Variants in C9orf57 observed in about 807,000 individuals in gnomAD.
C9orf57 encodes uncharacterized protein C9orf57.
A neutral mutation model predicts 12.9 loss-of-function variants in C9orf57; 12 were observed. That is an observed-to-expected ratio of 0.93 (90% CI 0.60 to 1.51). The LOEUF (loss-of-function observed/expected upper bound fraction) is 1.51. C9orf57 is among the 40% of genes most tolerant of loss of function. The pLI is 0.00. For missense variants in C9orf57, 141 were observed against 162.8 expected, an observed-to-expected ratio of 0.87 and a Z score of 0.73; for synonymous variants, 49 against 57.1, an observed-to-expected ratio of 0.86 and a Z score of 0.64.
intron 2 of C9orf57, among the ~76,000 whole-genome samples, chr9:72,058,827 G>A (rs948048449): frequency 6.6e-6 from 1 of 152,072 alleles, no homozygotes; most frequent in Non-Finnish European, 1.5e-5. Flanking sequence ...ATTTCACATT[G>A]GTTCTGCCAC....
At chr9:72,054,102 G>A (rs1385115264) in intron 4 of C9orf57, among the ~76,000 whole-genome samples, 3 of 152,158 alleles carry the variant, frequency 2.0e-5, no homozygotes, top group African/African-American at 4.8e-5. Context: ...GGGTTCAAGC[G>A]ATTCTCCTGC....
chr9:72,060,362 A>G (rs1227532558), intron 1 of C9orf57, 135 bp downstream of exon 1: 15 of 619,590 alleles, frequency 2.4e-5, no homozygotes, highest in Admixed American at 8.0e-5. Flanking sequence ...TATTAATAAT[A>G]CTTTCACTGC....
In C9orf57 at chr9:72,056,279, A is replaced by G. The variant is rs906232861; in HGVS notation, c.158-83T>C. 8.1e-6 allele frequency: 9 copies of G among 1,109,874 alleles called. No individual in the cohort carries two copies. In the African/African-American group the frequency reaches 1.3e-4, roughly 16 times the overall value. The allele number at this position is 1,109,874 out of a possible 1,614,324, so 68.8% of individuals were successfully genotyped here. ...AGGAAGGAAGAGAGATCAAAAAAAT[A>G]AAGTAGTGATTTTTGACTTTATATA... On this transcript the variant is annotated intron_variant, in intron 3 of 4. Coordinates refer to ENST00000651200, the MANE Select transcript of C9orf57 (RefSeq NM_001128618.2).
At chr9:72,054,839 A>G (rs1824155892) in intron 4 of C9orf57, among the ~76,000 whole-genome samples, 3 of 151,110 alleles carry the variant, frequency 2.0e-5, no homozygotes, top group Non-Finnish European at 4.4e-5. Flanking sequence ...TGGAATTATC[A>G]CACATTTTAT....
chr9:72,051,437 C>T lies in C9orf57; in HGVS notation c.*859G>A, dbSNP rs142683344. 7.2e-5 allele frequency: 11 copies of T among 152,188 alleles called. 1 individual carries two copies. The highest frequency in any genetic ancestry group is 2.2e-4 in the African/African-American group (9 of 41,518). The allele number at this position is 152,188 out of a possible 1,614,324, so 9.4% of individuals were successfully genotyped here. A position where few individuals can be genotyped will look rare whatever the true frequency, so the allele number is the denominator to read the frequency against. ...AAACTCCTGAAAATACAGAGAAAGA[C>T]AGTTTTAAATTAAATTTTAAATTAA... On this transcript the variant is annotated 3_prime_UTR_variant, in exon 5 of 5. Coordinates refer to ENST00000651200, the MANE Select transcript of C9orf57 (RefSeq NM_001128618.2).
intron 2 of C9orf57, among the ~76,000 whole-genome samples, chr9:72,058,044 A>G (rs1229146829): frequency 1.3e-5 from 2 of 152,242 alleles, no homozygotes; most frequent in African/African-American, 2.4e-5. Context: ...GTTAGAATCT[A>G]TGGAAGGTGG....
Position 72,059,352 on chromosome 9 carries a change from G to A in C9orf57, c.-21C>T. Reference sequence around the variant, plus strand: ...CTCATTCTGATTTCCAAGCCGAAAAGGAGATGAAAGGAAAGACACGTCCCA... The same window carrying A: ...CTCATTCTGATTTCCAAGCCGAAAAAGAGATGAAAGGAAAGACACGTCCCA... On this transcript the variant is annotated 5_prime_UTR_variant, in exon 2 of 5. Coordinates refer to ENST00000651200, the MANE Select transcript of C9orf57 (RefSeq NM_001128618.2). The A allele has an allele frequency of 1.3e-6, 2 of 1,551,590 alleles. No homozygotes were observed. Among genetic ancestry groups the A allele is most frequent in the Non-Finnish European group, 1.7e-6 (2 of 1,147,044 alleles).
At position 72,059,270 on chromosome 9, in the gene C9orf57, C is replaced by T. The variant is rs376186692; in HGVS notation, c.62G>A (p.Arg21His). ...LFRLLGVILF[R>H]LLGVILFGRL... ...GCCGAATAAGATAACACCTAAGAGG[C>T]GGAATAAGATAACACCTAAGAGGCG... Residue 21 changes from arginine to histidine, a missense_variant, in exon 2 of 5, where the codon CGC becomes CAC. Arg to His is a conservative substitution (Grantham distance 29). Coordinates refer to ENST00000651200, the MANE Select transcript of C9orf57 (RefSeq NM_001128618.2). The T allele has an allele frequency of 2.1e-5, 32 of 1,550,890 alleles. No homozygotes were observed. The Middle Eastern group carries it at 5.0e-4, about 24-fold the overall frequency.
At chr9:72,056,729 T>A (rs1824210883) in intron 3 of C9orf57, 55 bp downstream of exon 3, 1 of 1,518,428 alleles carries the variant, frequency 6.6e-7, no homozygotes, top group Non-Finnish European at 8.9e-7. Context: ...TTTGTTGTGA[T>A]AAGCATTTTC....
At chr9:72,054,032 C>T (rs557700269) in intron 4 of C9orf57, among the ~76,000 whole-genome samples, 1 of 152,322 alleles carries the variant, frequency 6.6e-6, no homozygotes, top group African/African-American at 2.4e-5. Flanking sequence ...GTGTTTCGCT[C>T]TTGTTGCCCA....
In C9orf57 at chr9:72,051,922, A is replaced by G. The variant is rs1824087953; in HGVS notation, c.*374T>C. Reference sequence around the variant, plus strand: ...CAGGTCACTTGCTGTCTTGTGAAACATTTGTAACCATATTTTGGAGTATGG... The same window carrying G: ...CAGGTCACTTGCTGTCTTGTGAAACGTTTGTAACCATATTTTGGAGTATGG... On this transcript the variant is annotated 3_prime_UTR_variant, in exon 5 of 5. Coordinates refer to ENST00000651200, the MANE Select transcript of C9orf57 (RefSeq NM_001128618.2). 1 of 194,144 alleles carries G rather than the reference A, an allele frequency of 5.2e-6. No individual in the cohort carries two copies. The highest frequency in any genetic ancestry group is 1.1e-4 in the South Asian group (1 of 9,074). The allele number at this position is 194,144 out of a possible 1,614,324, so 12.0% of individuals were successfully genotyped here.
chr9:72,056,276 A>C, intron 3 of C9orf57, 80 bp from the exon 4 acceptor site: 1 of 1,146,742 alleles, frequency 8.7e-7, no homozygotes, highest in East Asian at 2.8e-5. Flanking sequence ...AGATCAAAAA[A>C]ATAAAGTAGT....
chr9:72,058,129 T>A (rs1475000627), intron 2 of C9orf57, among the ~76,000 whole-genome samples: 1 of 152,198 alleles, frequency 6.6e-6, no homozygotes, highest in Non-Finnish European at 1.5e-5. Flanking sequence ...TCTAGACCAA[T>A]GTTTGTGAAT....
intron 4 of C9orf57, among the ~76,000 whole-genome samples, chr9:72,053,884 A>T (rs1824132779): frequency 6.6e-6 from 1 of 152,160 alleles, no homozygotes; most frequent in Non-Finnish European, 1.5e-5. Flanking sequence ...ATGTTTAGAG[A>T]TTCCTCCATG....
chr9:72,060,518 T>C lies in C9orf57; in HGVS notation c.-75A>G, dbSNP rs1226793184. 1.7e-5 allele frequency: 26 copies of C among 1,527,584 alleles called. No homozygotes were observed. Among genetic ancestry groups the C allele is most frequent in the Non-Finnish European group, 2.3e-5 (26 of 1,125,442 alleles). The allele number at this position is 1,527,584 out of a possible 1,614,324, so 94.6% of individuals were successfully genotyped here. A position where few individuals can be genotyped will look rare whatever the true frequency, so the allele number is the denominator to read the frequency against. ...CTACCTATCTTTTTCATTAAGGTAC[T>C]ATGGAAATTTTCCTGGGTCTGAACT... On this transcript the variant is annotated 5_prime_UTR_variant, in exon 1 of 5. The change creates a new upstream start codon in the 5' untranslated region. Coordinates refer to ENST00000651200, the MANE Select transcript of C9orf57 (RefSeq NM_001128618.2).
chr9:72,060,534 G>T lies in C9orf57; in HGVS notation c.-91C>A. ...TTAAGGTACTATGGAAATTTTCCTG[G>T]GTCTGAACTTTCTTAAAAGGATGAG... On this transcript the variant is annotated 5_prime_UTR_variant, in exon 1 of 5. Coordinates refer to ENST00000651200, the MANE Select transcript of C9orf57 (RefSeq NM_001128618.2). The T allele has an allele frequency of 1.9e-6, 3 of 1,547,214 alleles. No individual in the cohort carries two copies. The highest frequency in any genetic ancestry group is 2.6e-6 in the Non-Finnish European group (3 of 1,143,512).
At chr9:72,059,060 A>T (rs1824270451) in intron 2 of C9orf57, among the ~76,000 whole-genome samples, 175 bp downstream of exon 2, 1 of 152,086 alleles carries the variant, frequency 6.6e-6, no homozygotes. Context: ...TGTTTTTGGT[A>T]GAGACAGGGT....
intron 4 of C9orf57, among the ~76,000 whole-genome samples, chr9:72,053,409 C>T (rs1463339244): frequency 6.6e-6 from 1 of 152,168 alleles, no homozygotes; most frequent in African/African-American, 2.4e-5. Context: ...TCATTCCAGG[C>T]CTTCGACCCA....
chr9:72,052,205 G>T lies in C9orf57; in HGVS notation c.*91C>A. On this transcript the variant is annotated 3_prime_UTR_variant, in exon 5 of 5. Coordinates refer to ENST00000651200, the MANE Select transcript of C9orf57 (RefSeq NM_001128618.2). ...ACAAGGGTCTGAGGTTTCTGAAGTG[G>T]GCTAATTGACAATAGCCATCATTTT... is the stretch of plus-strand genomic sequence containing the variant. 7.1e-7 allele frequency: 1 copy of T among 1,407,466 alleles called. No homozygotes were observed. The allele number at this position is 1,407,466 out of a possible 1,614,324, so 87.2% of individuals were successfully genotyped here. A position where few individuals can be genotyped will look rare whatever the true frequency, so the allele number is the denominator to read the frequency against.
Sources: gnomAD v4.1 joint callset for allele counts (sites outside exome capture counted in the v4.1 genomes callset) on GRCh38, gnomAD v4.1.1 for gene constraint, MANE v1.5 for transcripts, NCBI Gene and HGNC (gene_info 2026-07-23, HGNC 2026-07-21) for gene names.